Variants in RARB observed in about 807,000 individuals in gnomAD.
RARB encodes the protein retinoic acid receptor beta, also known as HBV-activated protein.
In RARB, 17 loss-of-function variants were observed where a neutral mutation model predicts 51.9. The observed-to-expected ratio is 0.33, with a 90% CI of 0.22 to 0.49. The LOEUF (loss-of-function observed/expected upper bound fraction) is 0.49, where lower values mean the gene tolerates loss of function less well. Among genes scored for constraint, RARB ranks in the 20% least tolerant of loss-of-function variants. The probability of loss-of-function intolerance (pLI) is 0.99; values close to 1 mark genes in which losing one functional copy is unlikely to be tolerated. For missense variants in RARB, 369 were observed against 550.8 expected (o/e 0.67, Z 3.30); for synonymous variants, 215 against 195.4 (o/e 1.10, Z -0.84).
chr3:25,361,365 A>G (rs1268342029), intron 5 of RARB, among the ~76,000 whole-genome samples: 1 of 152,170 alleles, frequency 6.6e-6, no homozygotes, highest in Non-Finnish European at 1.5e-5. Flanking sequence ...TGGTTATTCT[A>G]GTTAGCAATT....
At chr3:25,207,012 A>G (rs1450813628) in intron 5 of RARB, among the ~76,000 whole-genome samples, 1 of 152,164 alleles carries the variant, frequency 6.6e-6, no homozygotes, top group Non-Finnish European at 1.5e-5. Context: ...ATGGTTATTT[A>G]CTTCTCTCCT....
chr3:24,913,017 G>T (rs1395232085), intron 2 of RARB, among the ~76,000 whole-genome samples: 2 of 76,592 alleles, frequency 2.6e-5, no homozygotes, highest in African/African-American at 8.1e-5. Context: ...GTCTCGCTCT[G>T]TCGCTCAGGC....
intron 5 of RARB, among the ~76,000 whole-genome samples, chr3:25,365,205 T>C (rs1277519355): frequency 1.5e-4 from 19 of 124,924 alleles, no homozygotes; most frequent in South Asian, 7.8e-4. Flanking sequence ...CTTTCTTTTT[T>C]TTTTTTTTTT....
chr3:25,098,575 G>A (rs969424756), intron 3 of RARB, among the ~76,000 whole-genome samples: 4 of 152,094 alleles, frequency 2.6e-5, no homozygotes, highest in East Asian at 1.9e-4. Flanking sequence ...AACAAACTAC[G>A]GCTGGTGGGT....
chr3:25,222,215 A>G (rs753404762), intron 5 of RARB, among the ~76,000 whole-genome samples: 13 of 152,128 alleles, frequency 8.5e-5, no homozygotes, highest in Non-Finnish European at 1.5e-4. Flanking sequence ...GATGACTGCA[A>G]CCTAAGGCCC....
At chr3:25,479,880 C>G (rs1052465913) in intron 2 of RARB, among the ~76,000 whole-genome samples, 7 of 152,188 alleles carry the variant, frequency 4.6e-5, no homozygotes, top group Non-Finnish European at 4.4e-5. Flanking sequence ...TGCTCCCATG[C>G]ATACATTACC....
intron 5 of RARB, among the ~76,000 whole-genome samples, chr3:25,237,494 GATA>G (rs1376719210): frequency 1.3e-5 from 2 of 152,006 alleles, no homozygotes; most frequent in South Asian, 2.1e-4. Flanking sequence ...TACATGAGCA[GATA>G]ATATTTGTTT....
intron 3 of RARB, among the ~76,000 whole-genome samples, chr3:25,103,762 A>G (rs148166704): frequency 6.6e-6 from 1 of 152,374 alleles, no homozygotes; most frequent in Non-Finnish European, 1.5e-5. Context: ...AAACAGTATT[A>G]TGAATGGGGT....
chr3:25,244,912 G>A (rs1312941918), intron 5 of RARB, among the ~76,000 whole-genome samples: 1 of 152,184 alleles, frequency 6.6e-6, no homozygotes, highest in African/African-American at 2.4e-5. Context: ...TGGTGTTAAA[G>A]TCTCCCACTG....
chr3:25,533,269 T>C (rs1285167945), intron 3 of RARB, among the ~76,000 whole-genome samples: 1 of 152,240 alleles, frequency 6.6e-6, no homozygotes, highest in Non-Finnish European at 1.5e-5. Context: ...ATAAGTTCTG[T>C]AAATGTGGTT....
intron 1 of RARB, among the ~76,000 whole-genome samples, chr3:25,446,802 C>CAAAAAAAAAA (rs5847356): frequency 2.9e-5 from 2 of 69,072 alleles, no homozygotes; most frequent in African/African-American, 6.5e-5. Context: ...GACTCCGTCT[C>CAAAAAAAAAA]AAAAAAAAAA....
chr3:25,500,482 G>GGTTGTTGTT (rs1214626364), intron 2 of RARB, among the ~76,000 whole-genome samples: 18 of 34,346 alleles, frequency 5.2e-4, no homozygotes, highest in Non-Finnish European at 4.2e-4. Flanking sequence ...TTTTTTTTTT[G>GGTTGTTGTT]GTTGTTGTTG....
intron 4 of RARB, among the ~76,000 whole-genome samples, chr3:25,161,178 A>AATTATT (rs72136020): frequency 2.8e-5 from 4 of 142,330 alleles, no homozygotes; most frequent in Admixed American, 7.1e-5. Flanking sequence ...ATGCCCAGCT[A>AATTATT]ATTATTATTA....
At chr3:25,271,095 C>T (rs1703247023) in intron 5 of RARB, among the ~76,000 whole-genome samples, 1 of 152,184 alleles carries the variant, frequency 6.6e-6, no homozygotes, top group African/African-American at 2.4e-5. Context: ...ACATAAGTCT[C>T]TTGTAACCTC....
intron 2 of RARB, among the ~76,000 whole-genome samples, chr3:25,487,033 A>C (rs569125078): frequency 1.2e-4 from 18 of 152,236 alleles, no homozygotes; most frequent in African/African-American, 4.3e-4. Flanking sequence ...GAGAGGAGGG[A>C]TGCTGGACTA....
chr3:25,203,347 C>T (rs1181706241), intron 5 of RARB, among the ~76,000 whole-genome samples: 1 of 152,164 alleles, frequency 6.6e-6, no homozygotes, highest in Non-Finnish European at 1.5e-5. Flanking sequence ...GATGGGTTTC[C>T]TGAATACAGG....
intron 5 of RARB, among the ~76,000 whole-genome samples, chr3:25,385,536 G>A (rs1706767997): frequency 6.6e-6 from 1 of 152,118 alleles, no homozygotes; most frequent in African/African-American, 2.4e-5. Flanking sequence ...AGCATCCCTG[G>A]AGTAAGCCTC....
chr3:25,161,999 C>A (rs923443899), intron 4 of RARB, among the ~76,000 whole-genome samples: 1 of 152,168 alleles, frequency 6.6e-6, no homozygotes, highest in Non-Finnish European at 1.5e-5. Flanking sequence ...TGGCCTCACA[C>A]CTTGGGCATG....
chr3:25,153,040 A>C (rs1700316366), intron 4 of RARB, among the ~76,000 whole-genome samples: 1 of 152,186 alleles, frequency 6.6e-6, no homozygotes, highest in Non-Finnish European at 1.5e-5. Context: ...AATAATTTTG[A>C]ATCTATTGAT....
Sources: gnomAD v4.1 joint callset for allele counts (sites outside exome capture counted in the v4.1 genomes callset) on GRCh38, gnomAD v4.1.1 for gene constraint, MANE v1.5 for transcripts, NCBI Gene and HGNC (gene_info 2026-07-23, HGNC 2026-07-21) for gene names.